UNC13A: variants seen among roughly 807,000 people sequenced by gnomAD.
The protein encoded by UNC13A is protein unc-13 homolog A.
UNC13A carries 61 observed loss-of-function variants against 219.7 expected under a neutral mutation model. That is an observed-to-expected ratio of 0.28 (90% CI 0.23 to 0.34). The LOEUF (loss-of-function observed/expected upper bound fraction) is 0.34. Ranked by LOEUF, UNC13A falls within the 10% of genes least tolerant of loss-of-function variation. The pLI is 1.00. For missense variants in UNC13A, 1,476 were observed against 2,270.3 expected (o/e 0.65, Z 7.11); for synonymous variants, 920 against 884.6 (o/e 1.04, Z -0.71).
chr19:17,648,369 C>CCATGCAAG (rs2079282436), intron 16 of UNC13A, 62 bp downstream of exon 16: 1 of 1,418,154 alleles, frequency 7.1e-7, no homozygotes, highest in African/African-American at 1.5e-5. Flanking sequence ...CCTTTCCCCG[C>CCATGCAAG]CATGCAAGCC....
In UNC13A at chr19:17,657,071, T is replaced by C. The variant is rs149106851; in HGVS notation, c.768-673A>G. Among the ~76,000 whole-genome samples, 499 of 152,188 alleles carry C rather than the reference T, an allele frequency of 3.3e-3. 4 individuals carry two copies. Among genetic ancestry groups the C allele is most frequent in the African/African-American group, 0.011 (459 of 41,524 alleles). ...AGCCTCTGCTGTCTCTACCAGATGC[T>C]GTCTCCACAGTTCCTGCTTCCCTTG... On this transcript the variant is annotated intron_variant, in intron 9 of 43. Transcript: ENST00000519716.
intron 12 of UNC13A, among the ~76,000 whole-genome samples, chr19:17,652,378 C>A (rs1282583439): frequency 1.3e-5 from 2 of 152,112 alleles, no homozygotes; most frequent in Non-Finnish European, 2.9e-5. Context: ...ATGATCCTCC[C>A]GCCTCGGCCT....
intron 3 of UNC13A, among the ~76,000 whole-genome samples, chr19:17,673,018 A>G (rs191205453): frequency 1.3e-5 from 2 of 152,318 alleles, no homozygotes; most frequent in Non-Finnish European, 2.9e-5. Context: ...GAAATGTGAG[A>G]TTCACTGAAT....
At chr19:17,650,249 G>T (rs770034581) in intron 12 of UNC13A, among the ~76,000 whole-genome samples, 18 of 152,158 alleles carry the variant, frequency 1.2e-4, no homozygotes, top group Non-Finnish European at 2.1e-4. Flanking sequence ...GGTGGCTTAC[G>T]CCTGTAATAA....
intron 43 of UNC13A, among the ~76,000 whole-genome samples, chr19:17,607,421 C>T (rs1410363086): frequency 9.0e-6 from 1 of 111,536 alleles, no homozygotes; most frequent in Non-Finnish European, 1.7e-5. Context: ...ACCACCACAC[C>T]GGGCTGATTT....
At chr19:17,636,896 G>A (rs2076917747) in intron 25 of UNC13A, among the ~76,000 whole-genome samples, 1 of 151,900 alleles carries the variant, frequency 6.6e-6, no homozygotes, top group African/African-American at 2.4e-5. Context: ...TGACTTGAAT[G>A]TAAATGAACT....
At chr19:17,629,395 C>A in intron 30 of UNC13A, 72 bp from the exon 31 acceptor site, 3 of 1,392,286 alleles carry the variant, frequency 2.2e-6, no homozygotes, top group East Asian at 2.4e-5. Flanking sequence ...CCCATCAAGG[C>A]CACTAGTGAG....
chr19:17,628,521 C>T (rs10404013), intron 31 of UNC13A, among the ~76,000 whole-genome samples: 88,653 of 151,508 alleles, frequency 0.59, 26,916 homozygotes, highest in African/African-American at 0.72. Flanking sequence ...AGACAAAACA[C>T]GGTCACACAC....
At chr19:17,617,453 T>TA (rs1249808300) in intron 41 of UNC13A, among the ~76,000 whole-genome samples, 1 of 152,134 alleles carries the variant, frequency 6.6e-6, no homozygotes, top group Non-Finnish European at 1.5e-5. Flanking sequence ...CCAGAGCTGT[T>TA]AATCATTGTC....
Position 17,621,853 on chromosome 19 carries a change from T to C in UNC13A, c.4221A>G (p.Lys1407=), listed in dbSNP as rs1329619671. 4 of 1,613,974 alleles carry C rather than the reference T, an allele frequency of 2.5e-6. No individual in the cohort carries two copies. The highest frequency in any genetic ancestry group is 1.7e-5 in the Admixed American group (1 of 60,010). The change falls in exon 37 of 44, where the codon AAA becomes AAG. Residue 1407 remains lysine (K), a synonymous_variant. Coordinates refer to ENST00000519716, the MANE Select transcript of UNC13A (RefSeq NM_001080421.3). The stretch of plus-strand genomic sequence containing the variant: ...TTACCTTTTCTAATCCCTTGCCATG[T>C]TTTCTCAAGAGGTTCCCCTGCAGAG... ...DQTMIGNLLR[K]HGKGLEKGRV...
At chr19:17,686,789 C>T (rs1245525007) in intron 1 of UNC13A, among the ~76,000 whole-genome samples, 4 of 119,304 alleles carry the variant, frequency 3.4e-5, no homozygotes, top group Non-Finnish European at 7.1e-5. Flanking sequence ...AGCGGGCGGG[C>T]GGGGCAGGGT....
At chr19:17,633,472 A>C (rs1040741344) in intron 26 of UNC13A, among the ~76,000 whole-genome samples, 1 of 151,826 alleles carries the variant, frequency 6.6e-6, no homozygotes, top group East Asian at 1.9e-4. Flanking sequence ...CCATCCATTC[A>C]TCCATCCTTC....
In UNC13A at chr19:17,617,874, G is replaced by T. The variant is rs1000448182; in HGVS notation, c.4411-25C>A. On this transcript the variant is annotated intron_variant, in intron 40 of 43. Transcript: ENST00000519716. ...GCTGGGGAGGACAGGGTGGGGAGAG[G>T]TGAGGATGGTGGGAACCTCTACCCA... is the stretch of plus-strand genomic sequence containing the variant. 9 of 1,612,852 alleles carry T rather than the reference G, an allele frequency of 5.6e-6. No homozygotes were observed. In the African/African-American group the frequency reaches 6.7e-5, roughly 12 times the overall value.
chr19:17,681,648 C>T (rs2080020279), intron 1 of UNC13A, among the ~76,000 whole-genome samples: 2 of 152,294 alleles, frequency 1.3e-5, no homozygotes, highest in African/African-American at 2.4e-5. Flanking sequence ...TAGGCCTAGC[C>T]TATAGTAGGT....
chr19:17,667,432 T>C (rs577414547), intron 6 of UNC13A, among the ~76,000 whole-genome samples: 3 of 152,262 alleles, frequency 2.0e-5, no homozygotes, highest in Admixed American at 2.0e-4. Flanking sequence ...CCTGCACATG[T>C]ATCCGCCAAA....
At chr19:17,612,524 C>T (rs1032907412) in intron 41 of UNC13A, among the ~76,000 whole-genome samples, 2 of 152,134 alleles carry the variant, frequency 1.3e-5, no homozygotes, top group African/African-American at 4.8e-5. Context: ...CATCTACTCT[C>T]AGTATACCAG....
intron 1 of UNC13A, among the ~76,000 whole-genome samples, chr19:17,678,082 C>T (rs1028001965): frequency 2.0e-5 from 3 of 152,188 alleles, no homozygotes; most frequent in Admixed American, 1.3e-4. Context: ...CTGTCCTCAT[C>T]GCTTGAATTT....
intron 8 of UNC13A, among the ~76,000 whole-genome samples, chr19:17,660,554 C>CA (rs1916657485): frequency 7.4e-6 from 1 of 135,540 alleles, no homozygotes; most frequent in Non-Finnish European, 1.5e-5. Flanking sequence ...TTTTTTGAGA[C>CA]AGAGTCTCGC....
Position 17,641,310 on chromosome 19 carries a change from T to C in UNC13A, c.2636+83A>G, listed in dbSNP as rs958476079. ...CCACTTCCTCTCTGGGTCTTCCCCC[T>C]GAGAATCCCTCCCACCCCAGACCTG... On this transcript the variant is annotated intron_variant, in intron 21 of 43. Coordinates refer to ENST00000519716, the MANE Select transcript of UNC13A (RefSeq NM_001080421.3). The C allele has an allele frequency of 2.6e-6, 4 of 1,517,684 alleles. No homozygotes were observed. The African/African-American group carries it at 4.1e-5, about 16-fold the overall frequency. 94.0% of individuals were successfully genotyped at this position (1,517,684 alleles called of 1,614,324 possible).
Sources: gnomAD v4.1 joint callset for allele counts (sites outside exome capture counted in the v4.1 genomes callset) on GRCh38, gnomAD v4.1.1 for gene constraint, MANE v1.5 for transcripts, NCBI Gene and HGNC (gene_info 2026-07-23, HGNC 2026-07-21) for gene names.